Variants in FMN2 observed in about 807,000 individuals in gnomAD.
The protein encoded by FMN2 is formin 2.
A neutral mutation model predicts 142.3 loss-of-function variants in FMN2; 51 were observed. The observed-to-expected ratio is 0.36, with a 90% CI of 0.29 to 0.45. FMN2 has a LOEUF of 0.45. Ranked by LOEUF, FMN2 falls within the 20% of genes least tolerant of loss-of-function variation. The pLI, the probability that FMN2 is intolerant of heterozygous loss-of-function variation, is 1.00. For synonymous variants in FMN2, 882 were observed against 869.8 expected, an observed-to-expected ratio of 1.01 and a Z score of -0.25; for missense variants, 1,936 against 2,122.8, an observed-to-expected ratio of 0.91 and a Z score of 1.73.
intron 8 of FMN2, among the ~76,000 whole-genome samples, chr1:240,328,167 A>AAAAAAAAAAAAAAAAAAG (rs1558435720): frequency 3.0e-4 from 42 of 141,142 alleles, no homozygotes; most frequent in Middle Eastern, 3.8e-3. Context: ...AAAAAAAAAA[A>AAAAAAAAAAAAAAAAAAG]AAAAAGAAAA....
chr1:240,347,434 G>A (rs573203006), intron 13 of FMN2, among the ~76,000 whole-genome samples: 1 of 152,098 alleles, frequency 6.6e-6, no homozygotes, highest in East Asian at 1.9e-4. Context: ...ATATCCATTC[G>A]GAATCCTCTG....
In FMN2 at chr1:240,473,889, A is replaced by T. The variant is rs1676889976; in HGVS notation, c.5143-239A>T. ...TTGACACCCTCTCATATTGGTTAGA[A>T]GTTAAATTTTTAAAACTTTTTTTTT... On this transcript the variant is annotated intron_variant, in intron 17 of 17. Transcript: ENST00000319653. This position sits in a 1 kb window ranked among gnomAD's most constrained non-coding sequence, Gnocchi z 4.3. Among the ~76,000 whole-genome samples the T allele has an allele frequency of 6.6e-6, 1 of 152,172 alleles. No homozygotes were observed. The highest frequency in any genetic ancestry group is 1.5e-5 in the Non-Finnish European group (1 of 68,018).
chr1:240,329,438 C>T lies in FMN2; in HGVS notation c.4407C>T (p.Arg1469=), dbSNP rs1320606762. The change falls in exon 10 of 18, where the codon CGC becomes CGT. Residue 1469 remains arginine (R), a synonymous_variant. Coordinates refer to ENST00000319653, the MANE Select transcript of FMN2 (RefSeq NM_020066.5). ...CAGAAAGCATTTGCTCAATTCGTCG[C>T]AAACTGGAATTACTACAGAAATTGT... The part of the protein sequence containing the change: ...TFSESICSIR[R]KLELLQKLCE... The T allele has an allele frequency of 6.2e-7, 1 of 1,613,900 alleles. No individual in the cohort carries two copies. The highest frequency in any genetic ancestry group is 8.5e-7 in the Non-Finnish European group (1 of 1,179,968).
intron 2 of FMN2, among the ~76,000 whole-genome samples, chr1:240,172,583 A>G (rs563348858): frequency 2.2e-4 from 34 of 152,264 alleles, no homozygotes; most frequent in African/African-American, 7.9e-4. Flanking sequence ...AGCTCCCCCA[A>G]AAAGACAAGG....
At chr1:240,292,598 T>TC (rs956583709) in intron 7 of FMN2, among the ~76,000 whole-genome samples, 9 of 152,156 alleles carry the variant, frequency 5.9e-5, no homozygotes, top group Non-Finnish European at 1.3e-4. Context: ...TAGAATTCCA[T>TC]CCATTGAAAA....
chr1:240,248,372 T>TTA (rs35386496), intron 6 of FMN2, among the ~76,000 whole-genome samples: 354 of 146,702 alleles, frequency 2.4e-3, no homozygotes, highest in African/African-American at 8.1e-3. Context: ...GTTTTATGGA[T>TTA]TATATATATA....
intron 5 of FMN2, among the ~76,000 whole-genome samples, chr1:240,209,169 G>T (rs958740689): frequency 1.1e-4 from 16 of 151,962 alleles, no homozygotes; most frequent in Non-Finnish European, 2.4e-4. Context: ...TTCCATGTAA[G>T]AATCTACTCT....
chr1:240,432,463 T>C (rs1675210110), intron 15 of FMN2, among the ~76,000 whole-genome samples: 1 of 151,988 alleles, frequency 6.6e-6, no homozygotes, highest in Admixed American at 6.5e-5. Flanking sequence ...CTGACTGAGT[T>C]GATTTTCTGT....
intron 7 of FMN2, among the ~76,000 whole-genome samples, chr1:240,293,696 A>G (rs1440361470): frequency 6.6e-6 from 1 of 152,056 alleles, no homozygotes; most frequent in Non-Finnish European, 1.5e-5. Flanking sequence ...TTCACACCTA[A>G]TTTTTTTGGA....
At chr1:240,227,111 G>T (rs1293897404) in intron 6 of FMN2, among the ~76,000 whole-genome samples, 3 of 152,132 alleles carry the variant, frequency 2.0e-5, no homozygotes, top group Admixed American at 1.3e-4. Context: ...TTCATTAGAA[G>T]AAACTATTAG....
intron 6 of FMN2, among the ~76,000 whole-genome samples, chr1:240,235,037 C>T (rs1667656789): frequency 6.6e-6 from 1 of 152,014 alleles, no homozygotes; most frequent in African/African-American, 2.4e-5. Context: ...GTATTGCATG[C>T]AAAATTCTTC....
chr1:240,128,651 A>G (rs538446751), intron 2 of FMN2, among the ~76,000 whole-genome samples: 1 of 152,316 alleles, frequency 6.6e-6, no homozygotes, highest in Non-Finnish European at 1.5e-5. Context: ...GGTTTGGATG[A>G]ATATGTGAGC....
intron 2 of FMN2, among the ~76,000 whole-genome samples, chr1:240,157,700 A>G (rs1005481221): frequency 1.3e-5 from 2 of 152,162 alleles, no homozygotes; most frequent in African/African-American, 4.8e-5. Flanking sequence ...AGGCATTATG[A>G]TTTGCAAAAA....
chr1:240,431,774 T>C (rs893115116), intron 15 of FMN2, among the ~76,000 whole-genome samples: 11 of 151,772 alleles, frequency 7.2e-5, no homozygotes, highest in African/African-American at 2.7e-4. Context: ...CACTGATTGC[T>C]TTCACTGTTA....
intron 1 of FMN2, among the ~76,000 whole-genome samples, chr1:240,100,510 G>A (rs972888044): frequency 2.0e-5 from 3 of 152,088 alleles, no homozygotes; most frequent in East Asian, 1.9e-4. Context: ...CAGTCAGTTC[G>A]GAATGGTAGT....
intron 2 of FMN2, among the ~76,000 whole-genome samples, chr1:240,147,398 G>A (rs6667904): frequency 0.47 from 71,745 of 151,960 alleles, 17,857 homozygotes; most frequent in South Asian, 0.65. Flanking sequence ...GGTCTAAGCC[G>A]CCTTAGTGTT....
intron 16 of FMN2, among the ~76,000 whole-genome samples, chr1:240,452,060 A>AGG (rs1676071850): frequency 5.3e-5 from 8 of 151,906 alleles, no homozygotes; most frequent in Non-Finnish European, 1.2e-4. Flanking sequence ...GTGTGGTGGC[A>AGG]CTCACCTGTA....
At chr1:240,166,160 T>C (rs992722026) in intron 2 of FMN2, among the ~76,000 whole-genome samples, 1 of 148,942 alleles carries the variant, frequency 6.7e-6, no homozygotes, top group African/African-American at 2.4e-5. Flanking sequence ...ATATAAAATA[T>C]ATATATATAA....
chr1:240,437,005 G>A (rs1447039938), intron 15 of FMN2, among the ~76,000 whole-genome samples: 1 of 152,132 alleles, frequency 6.6e-6, no homozygotes, highest in East Asian at 1.9e-4. Context: ...CTCTTGCCAC[G>A]CGTTATCGAC....
Sources: allele counts gnomAD v4.1 joint callset (sites outside exome capture counted in the v4.1 genomes callset), GRCh38; gene constraint gnomAD v4.1.1; non-coding constraint Gnocchi (gnomAD v3.1); transcripts MANE v1.5; gene names NCBI Gene and HGNC (gene_info 2026-07-23, HGNC 2026-07-21).